The following DIP2C variants were observed in gnomAD, a reference collection of about 807,000 sequenced individuals.
DIP2C encodes the protein DIP2 acetate--CoA ligase C (putative).
Under a neutral mutation model 192.4 loss-of-function variants are expected in DIP2C, and 33 were observed. The ratio of observed to expected loss-of-function variants is 0.17; its 90% confidence interval spans 0.13 to 0.23. The LOEUF is 0.23. Ranked by LOEUF, DIP2C falls within the 10% of genes least tolerant of loss-of-function variation. DIP2C has a pLI of 1.00. For missense variants in DIP2C, 1,537 were observed against 2,110.1 expected (o/e 0.73, Z 5.32); for synonymous variants, 979 against 864.1 (o/e 1.13, Z -2.33).
At chr10:313,069 A>C (rs2132338453) in intron 31 of DIP2C, among the ~76,000 whole-genome samples, 1 of 152,318 alleles carries the variant, frequency 6.6e-6, no homozygotes, top group East Asian at 1.9e-4. Context: ...GAAGGAGATA[A>C]AGAGGTAAGA....
chr10:393,834 A>AC (rs1345134897), intron 10 of DIP2C, among the ~76,000 whole-genome samples: 2 of 151,040 alleles, frequency 1.3e-5, no homozygotes, highest in African/African-American at 2.4e-5. Context: ...AGGAAAAAAA[A>AC]AAAAAACAAC....
intron 1 of DIP2C, among the ~76,000 whole-genome samples, chr10:633,887 CA>C (rs1460197445): frequency 6.6e-6 from 1 of 152,194 alleles, no homozygotes; most frequent in Non-Finnish European, 1.5e-5. Context: ...TGAATAAATG[CA>C]GGAAAATGCA....
Position 590,807 on chromosome 10 carries a change from A to G in DIP2C, c.85+98687T>C, listed in dbSNP as rs1261746504. ...CAGCCACCATTCTGATGACCTAGGC[A>G]GGTCGTCCTAAGGTCTCCACCGCAC... On this transcript the variant is annotated intron_variant, in intron 1 of 36. Coordinates refer to ENST00000280886, the MANE Select transcript of DIP2C (RefSeq NM_014974.3). Among the ~76,000 whole-genome samples the G allele has an allele frequency of 2.6e-5, 4 of 152,200 alleles. No homozygotes were observed. The South Asian group carries it at 6.2e-4, about 24-fold the overall frequency.
intron 7 of DIP2C, among the ~76,000 whole-genome samples, chr10:414,739 G>GTGTATATATATGTATATATATATA: frequency 1.1e-5 from 1 of 90,510 alleles, no homozygotes; most frequent in Non-Finnish European, 2.1e-5. Context: ...GTGTGTGTGT[G>GTGTATATATATGTATATATATATA]TACATATATA....
rs139751623 is a variant in DIP2C at position 329,484 on chromosome 10, G to A, written c.3702C>T (p.Ser1234=). 2.1e-4 allele frequency: 339 copies of A among 1,614,052 alleles called. No homozygotes were observed. The highest frequency in any genetic ancestry group is 2.7e-4 in the Non-Finnish European group (314 of 1,180,050). ...GCCCCTTGGTGCACAGCTCCATCAC[G>A]GAGTAGGAGCAAAACGTGTCTCGGA... ...YKVRDTFCSY[S]VMELCTKGLG... Residue 1234 remains serine (S), a synonymous_variant, in exon 30 of 37, where the codon TCC becomes TCT. Coordinates refer to ENST00000280886, the MANE Select transcript of DIP2C (RefSeq NM_014974.3).
intron 1 of DIP2C, among the ~76,000 whole-genome samples, chr10:527,478 G>A (rs1588392473): frequency 6.6e-6 from 1 of 152,208 alleles, no homozygotes; most frequent in African/African-American, 2.4e-5. Flanking sequence ...AAGATGTGGT[G>A]TTTATTCCCT....
At chr10:452,335 C>G (rs1029254383) in intron 3 of DIP2C, among the ~76,000 whole-genome samples, 1 of 152,166 alleles carries the variant, frequency 6.6e-6, no homozygotes, top group African/African-American at 2.4e-5. Flanking sequence ...GCTAAGGGGT[C>G]TTCTCAGTGC....
chr10:288,129 G>T (rs1454152367), intron 33 of DIP2C, among the ~76,000 whole-genome samples: 2 of 152,182 alleles, frequency 1.3e-5, no homozygotes, highest in Non-Finnish European at 2.9e-5. Flanking sequence ...AAGGCACCAG[G>T]GCCTCTGCTG....
rs142108742 is a variant in DIP2C at position 320,602 on chromosome 10, C to G, written c.3924+6404G>C. The stretch of plus-strand genomic sequence containing the variant: ...ATGATGTGAGATGGCACTGGACACT[C>G]AGGGAGGGAGATTCTTTCATAAAGC... On this transcript the variant is annotated intron_variant, in intron 31 of 36. Transcript: ENST00000280886. Among the ~76,000 whole-genome samples the G allele has an allele frequency of 9.2e-5, 14 of 151,962 alleles. No homozygotes were observed. The East Asian group carries it at 2.5e-3, about 27-fold the overall frequency.
At position 327,192 on chromosome 10, in the gene DIP2C, G is replaced by T; in HGVS notation, c.3754-16C>A. ...GCCCTCGCGCCTGGAGATGATGACA[G>T]AGAAACCGAGTCAGCCCCCACGTGT... On this transcript the variant is annotated splice_polypyrimidine_tract_variant and intron_variant, in intron 30 of 36. Coordinates refer to ENST00000280886, the MANE Select transcript of DIP2C (RefSeq NM_014974.3). 6.2e-7 allele frequency: 1 copy of T among 1,610,190 alleles called. No homozygotes were observed. Among genetic ancestry groups the T allele is most frequent in the South Asian group, 1.1e-5 (1 of 90,792 alleles).
chr10:359,415 T>C (rs1959204622), intron 22 of DIP2C, among the ~76,000 whole-genome samples: 1 of 152,228 alleles, frequency 6.6e-6, no homozygotes, highest in Non-Finnish European at 1.5e-5. Context: ...TCTGGGCTGC[T>C]GCCTGCCGGT....
At position 362,491 on chromosome 10, in the gene DIP2C, T is replaced by A; in HGVS notation, c.2793A>T (p.Pro931=). ...TNLPKPRQKQ[P]EIGPASVMVG... ...AAGCTGCCCAAGTGGTGCACATACCTGGCTGCTTCTGTCGAGGCTTAGGCA... is the reference window on the plus strand; with the variant it reads ...AAGCTGCCCAAGTGGTGCACATACCAGGCTGCTTCTGTCGAGGCTTAGGCA... The change falls in exon 22 of 37, where the codon CCA becomes CCT. Residue 931 remains proline, a splice_region_variant and synonymous_variant. Coordinates refer to ENST00000280886, the MANE Select transcript of DIP2C (RefSeq NM_014974.3). 10 of 1,613,478 alleles carry A rather than the reference T, an allele frequency of 6.2e-6. No homozygotes were observed. The highest frequency in any genetic ancestry group is 6.8e-6 in the Non-Finnish European group (8 of 1,179,810).
At position 286,308 on chromosome 10, in the gene DIP2C, T is replaced by C; in HGVS notation, c.4084A>G (p.Thr1362Ala). ...TGTGAGTCCCCCAGCGGTCCTTTTG[T>C]TTCTGGGTTGGCAATTATAATCCGA... Reference protein sequence around the residue: ...GVRIIIANPETKGPLGDSHLG... With the variant: ...GVRIIIANPEAKGPLGDSHLG... The change falls in exon 34 of 37, where the codon ACA becomes GCA. Residue 1362 changes from threonine (T) to alanine (A), a missense_variant. Thr to Ala is a moderately conservative substitution (Grantham distance 58). Around this residue, in one of 4 missense-constraint regions of DIP2C, gnomAD observed 341 missense variants for 551.7 expected, o/e 0.62. Transcript: ENST00000280886. 6.2e-7 allele frequency: 1 copy of C among 1,614,168 alleles called. No individual in the cohort carries two copies. Among genetic ancestry groups the C allele is most frequent in the Non-Finnish European group, 8.5e-7 (1 of 1,180,016 alleles).
chr10:421,111 C>G (rs2133155406), intron 5 of DIP2C, among the ~76,000 whole-genome samples: 1 of 152,264 alleles, frequency 6.6e-6, no homozygotes, highest in East Asian at 1.9e-4. Flanking sequence ...AAAAAAATTT[C>G]AAAGTTACAG....
rs146525978 is a variant in DIP2C at position 305,811 on chromosome 10, A to G, written c.3986+4220T>C. ...AGGCACATGCCACCACACCTAGTTC[A>G]TTTTTAAAAAATGTTGTAGAGATGG... On this transcript the variant is annotated intron_variant, in intron 32 of 36. Coordinates refer to ENST00000280886, the MANE Select transcript of DIP2C (RefSeq NM_014974.3). Among the ~76,000 whole-genome samples, 12 of 152,046 alleles carry G rather than the reference A, an allele frequency of 7.9e-5. No homozygotes were observed. The East Asian group carries it at 1.9e-3, about 25-fold the overall frequency.
chr10:671,420 G>A (rs569257591), intron 1 of DIP2C, among the ~76,000 whole-genome samples: 2 of 140,386 alleles, frequency 1.4e-5, no homozygotes, highest in African/African-American at 2.7e-5. Context: ...CGCACGGACG[G>A]AGGAAACGTC....
chr10:617,484 G>A (rs1376188524), intron 1 of DIP2C, among the ~76,000 whole-genome samples: 1 of 152,144 alleles, frequency 6.6e-6, no homozygotes, highest in Non-Finnish European at 1.5e-5. Context: ...TGTTGCCCTT[G>A]ATGGGAATCC....
In DIP2C at chr10:578,956, AT is replaced by A. The variant is rs546277466; in HGVS notation, c.86-92427del. On this transcript the variant is annotated intron_variant, in intron 1 of 36. Transcript: ENST00000280886. Reference sequence around the variant, plus strand: ...TGTAACATGTGTACGTGCATAGAGCATTCACACATCCAGATCCATGTAGTGT... The same window carrying A: ...TGTAACATGTGTACGTGCATAGAGCATCACACATCCAGATCCATGTAGTGT... 2.3e-3 allele frequency among the ~76,000 whole-genome samples: 345 copies of A among 152,286 alleles called. 1 individual carries two copies. Among genetic ancestry groups the A allele is most frequent in the Middle Eastern group, 6.8e-3 (2 of 294 alleles).
At chr10:594,884 C>T (rs960117826) in intron 1 of DIP2C, among the ~76,000 whole-genome samples, 2 of 152,180 alleles carry the variant, frequency 1.3e-5, no homozygotes, top group Non-Finnish European at 2.9e-5. Flanking sequence ...GGGCTTTGAC[C>T]TTGAGCTAAT....
Sources: allele counts gnomAD v4.1 joint callset (sites outside exome capture counted in the v4.1 genomes callset), GRCh38; gene constraint gnomAD v4.1.1; regional missense constraint gnomAD v4.1.1; transcripts MANE v1.5; gene names NCBI Gene and HGNC (gene_info 2026-07-23, HGNC 2026-07-21).